ADAR: variants seen among roughly 807,000 people sequenced by gnomAD.
ADAR encodes double-stranded RNA-specific adenosine deaminase.
Under a neutral mutation model 113.2 loss-of-function variants are expected in ADAR, and 41 were observed. The ratio of observed to expected loss-of-function variants is 0.36; its 90% CI spans 0.28 to 0.47. The LOEUF is 0.47. ADAR is among the 20% of genes least tolerant of loss of function. ADAR has a pLI of 1.00. For missense variants in ADAR, 1,242 were observed against 1,540.9 expected (o/e 0.81, Z 3.25); for synonymous variants, 605 against 572.6 (o/e 1.06, Z -0.81).
At position 154,582,701 on chromosome 1, in the gene ADAR, T is replaced by G. The variant is rs1486794898; in HGVS notation, c.*2105A>C. 2.0e-5 allele frequency: 3 copies of G among 152,316 alleles called. No individual in the cohort carries two copies. The highest frequency in any genetic ancestry group is 6.5e-5 in the Admixed American group (1 of 15,276). The allele number at this position is 152,316 out of a possible 1,614,324, so 9.4% of individuals were successfully genotyped here. On this transcript the variant is annotated 3_prime_UTR_variant, in exon 15 of 15. Coordinates refer to ENST00000368474, the MANE Select transcript of ADAR (RefSeq NM_001111.5). Reference sequence around the variant, plus strand: ...CTGCTGGAGAACCTAATGCCCAAGATGGACCAGAGAGGCCAAACAACCTGA... The same window carrying G: ...CTGCTGGAGAACCTAATGCCCAAGAGGGACCAGAGAGGCCAAACAACCTGA...
At chr1:154,602,667 T>C in intron 1 of ADAR, 41 bp from the exon 2 acceptor site, 1 of 1,607,680 alleles carries the variant, frequency 6.2e-7, no homozygotes, top group East Asian at 2.2e-5. Flanking sequence ...GAATTAGGGC[T>C]GCAGTGGTGA....
At position 154,602,548 on chromosome 1, in the gene ADAR, G is replaced by A; in HGVS notation, c.94C>T (p.Pro32Ser). ...HRQLRYQQPG[P>S]GSSPSSFLLK... ...AGGAAACTACTGGGGGAAGATCCTG[G>A]CCCAGGCTGCTGGTACCTGAGCTGT... The change falls in exon 2 of 15, where the codon CCA becomes TCA. Residue 32 changes from proline (P) to serine (S), a missense_variant. Pro to Ser is a moderately conservative substitution (Grantham distance 74). Around this residue, in one of 2 missense-constraint regions of ADAR, gnomAD observed 462 missense variants for 483.1 expected, o/e 0.96. Coordinates refer to ENST00000368474, the MANE Select transcript of ADAR (RefSeq NM_001111.5). 1.2e-6 allele frequency: 2 copies of A among 1,614,206 alleles called. No homozygotes were observed. Among genetic ancestry groups the A allele is most frequent in the South Asian group, 2.2e-5 (2 of 91,076 alleles).
intron 4 of ADAR, among the ~76,000 whole-genome samples, chr1:154,597,511 G>T (rs1697579548): frequency 6.6e-6 from 1 of 152,124 alleles, no homozygotes; most frequent in South Asian, 2.1e-4. Context: ...TCTTGAACAT[G>T]TGAGTCTATA....
chr1:154,590,138 A>AGGGGGGGG (rs1697034758), intron 7 of ADAR, 46 bp downstream of exon 7: 11 of 1,173,712 alleles, frequency 9.4e-6, no homozygotes, highest in African/African-American at 3.7e-5. Context: ...AGGAGTTAGG[A>AGGGGGGGG]GGACCCCCCC....
chr1:154,608,219 C>T, upstream of ADAR: 1 of 582,220 alleles, frequency 1.7e-6, no homozygotes, highest in Non-Finnish European at 2.8e-6. Flanking sequence ...AAAGCCTTCC[C>T]CTCCGGAAAG....
intron 1 of ADAR, among the ~76,000 whole-genome samples, chr1:154,617,691 A>T (rs1698672485): frequency 1.3e-5 from 2 of 152,172 alleles, no homozygotes; most frequent in Non-Finnish European, 2.9e-5. Context: ...TTGGAATATG[A>T]ATTACAGTGT....
At chr1:154,605,883 G>A (rs527477650) in intron 1 of ADAR, 3 of 703,490 alleles carry the variant, frequency 4.3e-6, no homozygotes, top group Non-Finnish European at 5.2e-6. Context: ...AGTGGCTAGA[G>A]TCAGTTAAAA....
At chr1:154,589,110 A>G (rs1365845071) in intron 9 of ADAR, among the ~76,000 whole-genome samples, 1 of 152,266 alleles carries the variant, frequency 6.6e-6, no homozygotes, top group East Asian at 1.9e-4. Flanking sequence ...TTTTTAGAAA[A>G]GAACATGAAG....
intron 2 of ADAR, among the ~76,000 whole-genome samples, chr1:154,598,808 C>T (rs1697678999): frequency 6.6e-6 from 1 of 152,214 alleles, no homozygotes. Flanking sequence ...CTCAGTGAAG[C>T]AAACATAGGC....
chr1:154,622,190 G>C (rs1285344959), intron 1 of ADAR, among the ~76,000 whole-genome samples: 2 of 152,162 alleles, frequency 1.3e-5, no homozygotes, highest in African/African-American at 4.8e-5. Flanking sequence ...TCCTGCGGCA[G>C]AGCGTGGCTG....
rs747094730 is a variant in ADAR, at chr1:154,601,531, T to A, written c.1111A>T (p.Ser371Cys). ...ERMQIKRNTNSVPETAPAAIP... is the reference protein window; with the variant it reads ...ERMQIKRNTNCVPETAPAAIP... ...GCAGCTGGAGCGGTTTCAGGAACAC[T>A]GTTCGTATTTCTCTTGATTTGCATC... is the stretch of plus-strand genomic sequence containing the variant. Residue 371 changes from serine (S) to cysteine (C), a missense_variant, in exon 2 of 15, where the codon AGT becomes TGT. By Grantham distance (112) the Ser-to-Cys change is moderately radical. This residue lies in a region of ADAR where 462 missense variants were observed against 483.1 expected (regional missense o/e 0.96). Transcript: ENST00000368474. This position sits in a 1 kb window ranked among gnomAD's most constrained non-coding sequence, Gnocchi z 4.7. 1.2e-6 allele frequency: 2 copies of A among 1,613,548 alleles called. No homozygotes were observed. Among genetic ancestry groups the A allele is most frequent in the South Asian group, 2.2e-5 (2 of 91,088 alleles).
At chr1:154,618,295 T>C (rs1698689565) in intron 1 of ADAR, among the ~76,000 whole-genome samples, 1 of 152,036 alleles carries the variant, frequency 6.6e-6, no homozygotes, top group Non-Finnish European at 1.5e-5. Context: ...GGAATATATG[T>C]CTTAAATAGA....
In ADAR at chr1:154,588,237, G is replaced by A. The variant is rs185906367; in HGVS notation, c.2907C>T (p.Gly969=). 11 of 1,614,104 alleles carry A rather than the reference G, an allele frequency of 6.8e-6. 1 individual carries two copies. The highest frequency in any genetic ancestry group is 2.2e-5 in the East Asian group (1 of 44,890). ...CGCTGCAGGACTTGTCAAAGAGGGC[G>A]CCATCTCCACACGGAGCAGTGCTGA... ...LYISTAPCGD[G]ALFDKSCSDR... Residue 969 remains glycine, a synonymous_variant, in exon 11 of 15, where the codon GGC becomes GGT. Coordinates refer to ENST00000368474, the MANE Select transcript of ADAR (RefSeq NM_001111.5).
rs1487544058 is a variant in ADAR at position 154,583,167 on chromosome 1, T to C, written c.*1639A>G. 1 of 152,036 alleles carries C rather than the reference T, an allele frequency of 6.6e-6. No homozygotes were observed. Among genetic ancestry groups the C allele is most frequent in the African/African-American group, 2.4e-5 (1 of 41,382 alleles). The allele number at this position is 152,036 out of a possible 1,614,324, so 9.4% of individuals were successfully genotyped here. On this transcript the variant is annotated 3_prime_UTR_variant, in exon 15 of 15. Coordinates refer to ENST00000368474, the MANE Select transcript of ADAR (RefSeq NM_001111.5). Reference sequence around the variant, plus strand: ...GAGAGGCAGGCTCAGCTCCTGAAGGTCGCAGAGCCTCAGTAGTCCTCCTGA... The same window carrying C: ...GAGAGGCAGGCTCAGCTCCTGAAGGCCGCAGAGCCTCAGTAGTCCTCCTGA...
intron 13 of ADAR, 51 bp downstream of exon 13, chr1:154,585,702 C>T (rs919200439): frequency 1.4e-6 from 2 of 1,480,472 alleles, no homozygotes; most frequent in Admixed American, 1.7e-5. Context: ...GTTTACATGA[C>T]TGCTTGAAAA....
At chr1:154,608,492 CTTTTTTTT>C (rs67463447), upstream of ADAR, among the ~76,000 whole-genome samples, 3 of 65,762 alleles carry the variant, frequency 4.6e-5, no homozygotes, top group Non-Finnish European at 8.1e-5. Flanking sequence ...TCACTCCTGG[CTTTTTTTT>C]TTTTTTTTTT....
In ADAR at chr1:154,583,276, T is replaced by C. The variant is rs1028732284; in HGVS notation, c.*1530A>G. ...GCAGCCATCACCACGGCACCAAGTC[T>C]ATGCTTGGGCTCTTCCCTGCTCTGC... On this transcript the variant is annotated 3_prime_UTR_variant, in exon 15 of 15. Transcript: ENST00000368474. 2 of 152,266 alleles carry C rather than the reference T, an allele frequency of 1.3e-5. No individual in the cohort carries two copies. Among genetic ancestry groups the C allele is most frequent in the Non-Finnish European group, 2.9e-5 (2 of 68,072 alleles). 9.4% of individuals were successfully genotyped at this position (152,266 alleles called of 1,614,324 possible).
intron 5 of ADAR, 45 bp downstream of exon 5, chr1:154,597,078 G>A: frequency 6.2e-7 from 1 of 1,614,142 alleles, no homozygotes; most frequent in Non-Finnish European, 8.5e-7. Flanking sequence ...AAACCACTCA[G>A]TTGCTAAAAA....
rs9427095 is a variant in ADAR at position 154,588,785 on chromosome 1, G to C, written c.2763-112C>G. ...AAGGAAAAGTCTCAATGTTGCAGAC[G>C]TTTCACAGTTTATCAGGTGGAAATT... On this transcript the variant is annotated intron_variant, in intron 9 of 14. Transcript: ENST00000368474. 0.99 allele frequency: 1,414,454 copies of C among 1,435,730 alleles called. 699,107 individuals carry two copies. The highest frequency in any genetic ancestry group is 1 in the Non-Finnish European group (1,027,852 of 1,028,206). 88.9% of individuals were successfully genotyped at this position (1,435,730 alleles called of 1,614,324 possible). A position where few individuals can be genotyped will look rare whatever the true frequency, so the allele number is the denominator to read the frequency against.
Sources: allele counts gnomAD v4.1 joint callset (sites outside exome capture counted in the v4.1 genomes callset), GRCh38; gene constraint gnomAD v4.1.1; regional missense constraint gnomAD v4.1.1; non-coding constraint Gnocchi (gnomAD v3.1); transcripts MANE v1.5; gene names NCBI Gene and HGNC (gene_info 2026-07-23, HGNC 2026-07-21).